Variants in GRM5 observed in about 807,000 individuals in gnomAD.
The protein encoded by GRM5 is glutamate metabotropic receptor 5.
Under a neutral mutation model 83.1 loss-of-function variants are expected in GRM5, and 19 were observed. That is an observed-to-expected ratio of 0.23 (90% CI 0.16 to 0.34). GRM5 has a LOEUF of 0.34. Ranked by LOEUF, GRM5 falls within the 10% of genes least tolerant of loss-of-function variation. The pLI is 1.00. For synonymous variants in GRM5, 675 were observed against 633.6 expected, an observed-to-expected ratio of 1.07 and a Z score of -0.98; for missense variants, 1,160 against 1,588.3, an observed-to-expected ratio of 0.73 and a Z score of 4.58.
chr11:88,641,394 T>A (rs1221779464), intron 4 of GRM5, among the ~76,000 whole-genome samples: 2 of 151,928 alleles, frequency 1.3e-5, no homozygotes, highest in Non-Finnish European at 2.9e-5. Context: ...AAATATATTA[T>A]GCTGCCCCTG....
intron 3 of GRM5, among the ~76,000 whole-genome samples, chr11:88,839,351 T>G (rs527980865): frequency 1.3e-5 from 2 of 152,296 alleles, no homozygotes; most frequent in East Asian, 3.9e-4. Context: ...ATTTATAAAG[T>G]TTTTAGAAAT....
intron 3 of GRM5, among the ~76,000 whole-genome samples, chr11:88,780,770 C>T (rs1412781693): frequency 6.6e-6 from 1 of 152,046 alleles, no homozygotes; most frequent in African/African-American, 2.4e-5. Context: ...CCTACATCAG[C>T]CTCCCAAAGT....
chr11:88,941,677 T>C (rs1403396020), intron 2 of GRM5, among the ~76,000 whole-genome samples: 2 of 152,030 alleles, frequency 1.3e-5, no homozygotes, highest in African/African-American at 4.8e-5. Context: ...TTATTTGGCC[T>C]AACAAATGTT....
At chr11:88,951,472 T>G (rs1938461183) in intron 2 of GRM5, among the ~76,000 whole-genome samples, 1 of 152,240 alleles carries the variant, frequency 6.6e-6, no homozygotes, top group African/African-American at 2.4e-5. Flanking sequence ...CTCTCTATTT[T>G]GTGTTGGACG....
intron 4 of GRM5, among the ~76,000 whole-genome samples, chr11:88,628,568 A>C (rs7949481): frequency 0.045 from 6,860 of 152,266 alleles, 289 homozygotes; most frequent in African/African-American, 0.11. Context: ...AAATAAATTG[A>C]ATTGGCAGGG....
At chr11:88,803,091 A>G (rs1438646175) in intron 3 of GRM5, among the ~76,000 whole-genome samples, 9 of 144,462 alleles carry the variant, frequency 6.2e-5, no homozygotes, top group South Asian at 2.4e-4. Context: ...AATCAATATC[A>G]TGAAAATGGC....
intron 8 of GRM5, among the ~76,000 whole-genome samples, chr11:88,526,303 G>A (rs935444495): frequency 1.3e-5 from 2 of 152,102 alleles, no homozygotes; most frequent in Non-Finnish European, 2.9e-5. Flanking sequence ...AGTTTTTTGA[G>A]CTAACATGAT....
intron 3 of GRM5, among the ~76,000 whole-genome samples, chr11:88,674,073 T>C (rs1238783459): frequency 1.3e-5 from 2 of 151,776 alleles, no homozygotes; most frequent in East Asian, 3.9e-4. Flanking sequence ...ATCTAAGAAA[T>C]GTCAGTGTCA....
intron 1 of GRM5, among the ~76,000 whole-genome samples, chr11:89,062,814 G>C (rs1375603592): frequency 6.6e-6 from 1 of 152,242 alleles, no homozygotes; most frequent in Non-Finnish European, 1.5e-5. Flanking sequence ...GCTAGCCTCC[G>C]CACTCACGGG....
At chr11:88,982,668 AAATTAT>A (rs1781947956) in intron 2 of GRM5, among the ~76,000 whole-genome samples, 2 of 152,202 alleles carry the variant, frequency 1.3e-5, no homozygotes, top group Non-Finnish European at 2.9e-5. Flanking sequence ...AGTATATCTT[AAATTAT>A]AATTAAATTT....
At chr11:88,684,367 A>G (rs1940568333) in intron 3 of GRM5, among the ~76,000 whole-genome samples, 2 of 152,194 alleles carry the variant, frequency 1.3e-5, no homozygotes, top group African/African-American at 4.8e-5. Flanking sequence ...TCTAAAATGA[A>G]ATTAGAGGAT....
chr11:88,719,619 G>GTCTT (rs1447567534), intron 3 of GRM5, among the ~76,000 whole-genome samples: 4 of 151,896 alleles, frequency 2.6e-5, no homozygotes, highest in Admixed American at 6.6e-5. Context: ...CTGTCTTTAG[G>GTCTT]TCTTTGAGGA....
intron 4 of GRM5, among the ~76,000 whole-genome samples, chr11:88,641,566 A>G (rs142468073): frequency 7.7e-4 from 117 of 152,274 alleles, no homozygotes; most frequent in African/African-American, 2.5e-3. Context: ...GTAAAATCAC[A>G]TAAGTTATTT....
At chr11:88,610,313 T>C (rs1938277807) in intron 4 of GRM5, among the ~76,000 whole-genome samples, 1 of 152,210 alleles carries the variant, frequency 6.6e-6, no homozygotes, top group African/African-American at 2.4e-5. Flanking sequence ...TTGAGTGATA[T>C]GGCCATTTTA....
intron 3 of GRM5, among the ~76,000 whole-genome samples, chr11:88,848,580 T>C (rs907164374): frequency 1.3e-5 from 2 of 152,182 alleles, no homozygotes; most frequent in Admixed American, 6.5e-5. Context: ...TAAAAAGATA[T>C]ATGGTACATA....
intron 2 of GRM5, among the ~76,000 whole-genome samples, chr11:88,947,184 A>T (rs548747580): frequency 6.6e-6 from 1 of 152,284 alleles, no homozygotes; most frequent in African/African-American, 2.4e-5. Context: ...ATCACTTATT[A>T]GGCCTCACAT....
intron 3 of GRM5, among the ~76,000 whole-genome samples, chr11:88,799,381 A>G (rs1045688941): frequency 6.6e-6 from 1 of 151,772 alleles, no homozygotes; most frequent in South Asian, 2.1e-4. Flanking sequence ...CAGTATTAAT[A>G]TCATTTTTTG....
At position 88,809,036 on chromosome 11, in the gene GRM5, G is replaced by A. The variant is rs140068274; in HGVS notation, c.911+40870C>T. 4.5e-3 allele frequency among the ~76,000 whole-genome samples: 683 copies of A among 152,070 alleles called. 4 individuals carry two copies. Among genetic ancestry groups the A allele is most frequent in the African/African-American group, 0.016 (649 of 41,540 alleles). ...TTTAACAACGTGTTTGTTTCTGTTT[G>A]GAGACTGTTAATTAGTTTAACCTTA... On this transcript the variant is annotated intron_variant, in intron 3 of 9. Transcript: ENST00000305447.
intron 8 of GRM5, among the ~76,000 whole-genome samples, chr11:88,526,788 C>T (rs1211637730): frequency 6.6e-6 from 1 of 151,974 alleles, no homozygotes; most frequent in Non-Finnish European, 1.5e-5. Flanking sequence ...TGGCTTATTA[C>T]ATCAAGCAAA....
Sources: allele counts gnomAD v4.1 joint callset (sites outside exome capture counted in the v4.1 genomes callset), GRCh38; gene constraint gnomAD v4.1.1; transcripts MANE v1.5; gene names NCBI Gene and HGNC (gene_info 2026-07-23, HGNC 2026-07-21).